Variants in B3GALT1 observed in about 807,000 individuals in gnomAD.
B3GALT1 encodes UDP-Gal:betaGlcNAc beta 1,3-galactosyltransferase, polypeptide 1.
A neutral mutation model predicts 23.2 loss-of-function variants in B3GALT1; 10 were observed. The ratio of observed to expected loss-of-function variants is 0.43; its 90% CI spans 0.27 to 0.73. The LOEUF is 0.73. Ranked by LOEUF, B3GALT1 falls within the 30% of genes least tolerant of loss-of-function variation. The pLI, the probability that B3GALT1 is intolerant of heterozygous loss-of-function variation, is 0.21. For synonymous variants in B3GALT1, 156 were observed against 141.5 expected (o/e 1.10, Z -0.73); for missense variants, 299 against 405.4 (o/e 0.74, Z 2.25).
intron 1 of B3GALT1, among the ~76,000 whole-genome samples, chr2:167,357,908 AATC>A (rs1478658249): frequency 2.0e-5 from 3 of 152,236 alleles, no homozygotes; most frequent in Non-Finnish European, 4.4e-5. Flanking sequence ...CATTTGCAGA[AATC>A]ATAGGATATC....
At chr2:167,787,566 G>A (rs1688362217) in intron 3 of B3GALT1, among the ~76,000 whole-genome samples, 1 of 152,218 alleles carries the variant, frequency 6.6e-6, no homozygotes, top group African/African-American at 2.4e-5. Context: ...CTCTGCTGAA[G>A]CCTCAAAGCT....
Position 167,297,295 on chromosome 2 carries a change from TTAG to T in B3GALT1, c.-511+3966_-511+3968del, listed in dbSNP as rs1296923389. On this transcript the variant is annotated intron_variant, in intron 1 of 4. Transcript: ENST00000392690. ...TTCATTCAAAAGGGATGAGTGAATT[TTAG>T]TAGTTAGGAAAGATTCAAAAGCATG... 2.6e-5 allele frequency among the ~76,000 whole-genome samples: 4 copies of T among 152,116 alleles called. No individual in the cohort carries two copies. In the East Asian group the frequency reaches 7.7e-4, roughly 29 times the overall value.
chr2:167,709,963 A>G (rs1293202683), intron 3 of B3GALT1, among the ~76,000 whole-genome samples: 1 of 152,132 alleles, frequency 6.6e-6, no homozygotes. Context: ...TAGCAAATAT[A>G]TGTTTATGTA....
chr2:167,386,169 A>G (rs1697926665), intron 1 of B3GALT1, among the ~76,000 whole-genome samples: 1 of 152,168 alleles, frequency 6.6e-6, no homozygotes, highest in African/African-American at 2.4e-5. Context: ...TTTCTTCAGC[A>G]GGAATTTAGC....
intron 1 of B3GALT1, among the ~76,000 whole-genome samples, chr2:167,335,856 A>G (rs1377426080): frequency 6.6e-6 from 1 of 152,008 alleles, no homozygotes; most frequent in African/African-American, 2.4e-5. Context: ...TAGAATGACT[A>G]ACTTCCTAGG....
chr2:167,643,608 A>G (rs1674880842), intron 2 of B3GALT1, among the ~76,000 whole-genome samples: 1 of 152,104 alleles, frequency 6.6e-6, no homozygotes, highest in African/African-American at 2.4e-5. Flanking sequence ...AAATGATTCA[A>G]AACATGCCAC....
rs561055029 is a variant in B3GALT1, at chr2:167,345,549, C to G, written c.-511+52215C>G. Among the ~76,000 whole-genome samples, 4 of 152,240 alleles carry G rather than the reference C, an allele frequency of 2.6e-5. No homozygotes were observed. The South Asian group carries it at 8.3e-4, about 32-fold the overall frequency. The stretch of plus-strand genomic sequence containing the variant: ...TCAGAGCAGTTGTGAACTCTGTTAT[C>G]AGACCAGCTTAGAAGAGTCACAGAG... On this transcript the variant is annotated intron_variant, in intron 1 of 4. Coordinates refer to ENST00000392690, the MANE Select transcript of B3GALT1 (RefSeq NM_020981.4).
intron 1 of B3GALT1, among the ~76,000 whole-genome samples, chr2:167,334,442 G>A (rs182844172): frequency 2.6e-5 from 4 of 152,210 alleles, no homozygotes; most frequent in South Asian, 2.1e-4. Context: ...TCTGAAGTTC[G>A]TTTTAAAGGA....
rs554074817 is a variant in B3GALT1, at chr2:167,659,549, A to C, written c.-352+12583A>C. Reference sequence around the variant, plus strand: ...ACATTGTACGGAGTCAGGAGGCAAAAATGTAATACCAAATAGTGTTTCATG... The same window carrying C: ...ACATTGTACGGAGTCAGGAGGCAAACATGTAATACCAAATAGTGTTTCATG... On this transcript the variant is annotated intron_variant, in intron 3 of 4. Transcript: ENST00000392690. Among the ~76,000 whole-genome samples, 11 of 152,176 alleles carry C rather than the reference A, an allele frequency of 7.2e-5. No homozygotes were observed. The South Asian group carries it at 2.3e-3, about 32-fold the overall frequency.
chr2:167,443,496 C>T (rs1371642763), intron 1 of B3GALT1, among the ~76,000 whole-genome samples: 1 of 152,106 alleles, frequency 6.6e-6, no homozygotes, highest in African/African-American at 2.4e-5. Flanking sequence ...ATTGATTGTT[C>T]CTATCCATGA....
intron 4 of B3GALT1, among the ~76,000 whole-genome samples, chr2:167,842,709 A>G (rs1162486948): frequency 6.6e-6 from 1 of 152,074 alleles, no homozygotes; most frequent in Non-Finnish European, 1.5e-5. Flanking sequence ...CTCCGTCTCT[A>G]CAAAAAACTA....
intron 1 of B3GALT1, among the ~76,000 whole-genome samples, chr2:167,318,704 G>A (rs1025475137): frequency 1.3e-5 from 2 of 152,064 alleles, no homozygotes; most frequent in African/African-American, 4.8e-5. Context: ...GTTGGCTAAG[G>A]AGAGGAAAGA....
intron 4 of B3GALT1, among the ~76,000 whole-genome samples, chr2:167,846,682 A>C (rs560263597): frequency 1.3e-5 from 2 of 152,308 alleles, no homozygotes; most frequent in East Asian, 3.9e-4. Context: ...ATAAAACAAA[A>C]ATATAATTTA....
intron 2 of B3GALT1, among the ~76,000 whole-genome samples, chr2:167,591,507 G>T (rs1301421614): frequency 1.3e-5 from 2 of 152,078 alleles, no homozygotes; most frequent in African/African-American, 4.8e-5. Flanking sequence ...GTCTCACTCT[G>T]TCTTCTAGGG....
At chr2:167,668,804 G>A (rs896962017) in intron 3 of B3GALT1, among the ~76,000 whole-genome samples, 3 of 152,164 alleles carry the variant, frequency 2.0e-5, no homozygotes, top group Non-Finnish European at 2.9e-5. Flanking sequence ...GCCCTGCTTC[G>A]GCTCGCGCAC....
At chr2:167,596,078 C>G (rs970273978) in intron 2 of B3GALT1, among the ~76,000 whole-genome samples, 1 of 152,122 alleles carries the variant, frequency 6.6e-6, no homozygotes, top group Non-Finnish European at 1.5e-5. Flanking sequence ...ATTGGTCTCC[C>G]GAGGAGAGAA....
chr2:167,822,488 C>T (rs73021241), intron 4 of B3GALT1, among the ~76,000 whole-genome samples: 2,617 of 152,182 alleles, frequency 0.017, 76 homozygotes, highest in African/African-American at 0.06. Context: ...AAGATACTCA[C>T]GGTGGAGGGT....
At chr2:167,360,105 T>C (rs1437611949) in intron 1 of B3GALT1, among the ~76,000 whole-genome samples, 1 of 152,168 alleles carries the variant, frequency 6.6e-6, no homozygotes, top group African/African-American at 2.4e-5. Flanking sequence ...TAAAAATTTT[T>C]CTCTTTTAAG....
At chr2:167,466,392 T>C (rs1699345382) in intron 1 of B3GALT1, among the ~76,000 whole-genome samples, 7 of 151,400 alleles carry the variant, frequency 4.6e-5, no homozygotes, top group Admixed American at 3.9e-4. Context: ...CTGAGGAGGG[T>C]GGATCACCTG....
Sources: allele counts gnomAD v4.1 joint callset (sites outside exome capture counted in the v4.1 genomes callset), GRCh38; gene constraint gnomAD v4.1.1; transcripts MANE v1.5; gene names NCBI Gene and HGNC (gene_info 2026-07-23, HGNC 2026-07-21).